SRSF2: variants seen among roughly 807,000 people sequenced by gnomAD.
SRSF2 encodes serine and arginine rich splicing factor 2.
Under a neutral mutation model 15.7 loss-of-function variants are expected in SRSF2, and 4 were observed. The ratio of observed to expected loss-of-function variants is 0.26; its 90% CI spans 0.13 to 0.58. SRSF2 has a LOEUF of 0.58. SRSF2 is among the 20% of genes least tolerant of loss of function. The pLI, the probability that SRSF2 is intolerant of heterozygous loss-of-function variation, is 0.90. For synonymous variants in SRSF2, 192 were observed against 138.9 expected (o/e 1.38, Z -2.69); for missense variants, 147 against 332.4 (o/e 0.44, Z 4.34).
At chr17:76,736,519 C>A (rs776469568) in intron 1 of SRSF2, 55 bp from the exon 2 acceptor site, 3 of 1,556,632 alleles carry the variant, frequency 1.9e-6, no homozygotes, top group Non-Finnish European at 2.6e-6. Context: ...CGGGGCCGGC[C>A]CCGCCCGCGC....
rs559326736 is a variant in SRSF2, at chr17:76,734,816, TAA to T, written c.*348_*349del. 106 of 239,548 alleles carry T rather than the reference TAA, an allele frequency of 4.4e-4. 1 individual carries two copies. The highest frequency in any genetic ancestry group is 2.1e-3 in the African/African-American group (93 of 44,968). The allele number at this position is 239,548 out of a possible 1,614,324, so 14.8% of individuals were successfully genotyped here. A position where few individuals can be genotyped will look rare whatever the true frequency, so the allele number is the denominator to read the frequency against. ...GTGTAATGGCTGCACACGTTTTCCT[TAA>T]AAGTCAGGAGGCCACAAATTAGGTT... On this transcript the variant is annotated 3_prime_UTR_variant, in exon 3 of 3. Coordinates refer to ENST00000359995, the MANE Select transcript of SRSF2 (RefSeq NM_001195427.2).
intron 1 of SRSF2, 80 bp from the exon 2 acceptor site, chr17:76,736,544 C>G (rs757305177): frequency 2.8e-5 from 41 of 1,464,618 alleles, no homozygotes; most frequent in Non-Finnish European, 3.5e-5. Flanking sequence ...CCGCCCAGGC[C>G]GCCATTATCT....
In SRSF2 at chr17:76,736,275, C is replaced by T. The variant is rs2143925364; in HGVS notation, c.552G>A (p.Arg184=). The T allele has an allele frequency of 6.2e-7, 1 of 1,614,168 alleles. No individual in the cohort carries two copies. Residue 184 remains arginine, a synonymous_variant, in exon 2 of 3, where the codon AGG becomes AGA. Coordinates refer to ENST00000359995, the MANE Select transcript of SRSF2 (RefSeq NM_001195427.2). ...GAGGACTCCTGGACCGAGACCGGGA[C>T]CTGGACCGCGAACGAGATCTGGAGA... The part of the protein sequence containing the change: ...SSVSRSRSRS[R]SRSRSRSPPP...
rs757717237 is a variant in SRSF2 at position 76,736,475 on chromosome 17, G to C, written c.363-11C>G. On this transcript the variant is annotated splice_polypyrimidine_tract_variant and intron_variant, in intron 1 of 2. Transcript: ENST00000359995. ...CGACGCCGCCTAGGGCTGCGGGCGG[G>C]ACGAGCAAGCACAGCGGGGTTAATT... The C allele has an allele frequency of 4.4e-6, 7 of 1,608,808 alleles. No homozygotes were observed. The highest frequency in any genetic ancestry group is 2.2e-5 in the East Asian group (1 of 44,870).
rs549741156 is a variant in SRSF2, at chr17:76,737,308, G to A, written c.-148C>T. On this transcript the variant is annotated 5_prime_UTR_variant, in exon 1 of 3. Transcript: ENST00000359995. ...CAGAACAGCACGGACGGGCTCCGCA[G>A]GCTAGCGCACCTGAGTAACAACTGG... The A allele has an allele frequency of 5.0e-4, 584 of 1,158,358 alleles. No individual in the cohort carries two copies. Among genetic ancestry groups the A allele is most frequent in the South Asian group, 9.1e-4 (53 of 58,450 alleles). The allele number at this position is 1,158,358 out of a possible 1,614,324, so 71.8% of individuals were successfully genotyped here.
At position 76,736,395 on chromosome 17, in the gene SRSF2, G is replaced by A. The variant is rs1295502824; in HGVS notation, c.432C>T (p.Tyr144=). The A allele has an allele frequency of 1.2e-6, 2 of 1,613,968 alleles. No homozygotes were observed. Among genetic ancestry groups the A allele is most frequent in the African/African-American group, 2.7e-5 (2 of 74,948 alleles). ...TGCGGGACCGAGACTTCGAGCGGCT[G>A]TAGCGAGATCGGCTGCGAGACCTGG... ...SRSRSRSRSR[Y]SRSKSRSRTR... The change falls in exon 2 of 3, where the codon TAC becomes TAT. Residue 144 remains tyrosine (Y), a synonymous_variant. Transcript: ENST00000359995.
chr17:76,736,266 A>G lies in SRSF2; in HGVS notation c.561T>C (p.Ser187=), dbSNP rs753547882. ...ACACTGGGGGAGGACTCCTGGACCG[A>G]GACCGGGACCTGGACCGCGAACGAG... The part of the protein sequence containing the change: ...SRSRSRSRSR[S]RSRSPPPVSK... Residue 187 remains serine, a synonymous_variant, in exon 2 of 3, where the codon TCT becomes TCC. Transcript: ENST00000359995. 6.2e-7 allele frequency: 1 copy of G among 1,614,188 alleles called. No homozygotes were observed. The highest frequency in any genetic ancestry group is 8.5e-7 in the Non-Finnish European group (1 of 1,180,022).
rs1001296894 is a variant in SRSF2, at chr17:76,735,125, C to G, written c.*41G>C. 9.1e-6 allele frequency: 2 copies of G among 218,976 alleles called. No homozygotes were observed. The highest frequency in any genetic ancestry group is 1.8e-5 in the Non-Finnish European group (2 of 108,970). 13.6% of individuals were successfully genotyped at this position (218,976 alleles called of 1,614,324 possible). A position where few individuals can be genotyped will look rare whatever the true frequency, so the allele number is the denominator to read the frequency against. ...CGATGGACTATGTGGTCCTTTTTCCCCAAGTCCTCCGTTTACACTGCTTGC... is the reference window on the plus strand; with the variant it reads ...CGATGGACTATGTGGTCCTTTTTCCGCAAGTCCTCCGTTTACACTGCTTGC... On this transcript the variant is annotated 3_prime_UTR_variant, in exon 3 of 3. Transcript: ENST00000359995.
intron 2 of SRSF2, chr17:76,735,359 T>C (rs978454234): frequency 4.8e-6 from 1 of 206,684 alleles, no homozygotes; most frequent in Non-Finnish European, 9.8e-6. Context: ...TACGTATTCC[T>C]GGCCAAATAA....
Position 76,734,703 on chromosome 17 carries a change from A to G in SRSF2, c.*463T>C, listed in dbSNP as rs963353803. ...CCATTTAGATCTGAAGGTAAATAACATATACAAATTTACACCAACTTTTGT... is the reference window on the plus strand; with the variant it reads ...CCATTTAGATCTGAAGGTAAATAACGTATACAAATTTACACCAACTTTTGT... On this transcript the variant is annotated 3_prime_UTR_variant, in exon 3 of 3. Coordinates refer to ENST00000359995, the MANE Select transcript of SRSF2 (RefSeq NM_001195427.2). 1.3e-5 allele frequency: 3 copies of G among 234,550 alleles called. No individual in the cohort carries two copies. Among genetic ancestry groups the G allele is most frequent in the African/African-American group, 6.7e-5 (3 of 44,842 alleles). 14.5% of individuals were successfully genotyped at this position (234,550 alleles called of 1,614,324 possible). A position where few individuals can be genotyped will look rare whatever the true frequency, so the allele number is the denominator to read the frequency against.
rs140374091 is a variant in SRSF2 at position 76,737,228 on chromosome 17, C to G, written c.-68G>C. 6.8e-7 allele frequency: 1 copy of G among 1,465,202 alleles called. No individual in the cohort carries two copies. The highest frequency in any genetic ancestry group is 1.4e-5 in the African/African-American group (1 of 70,440). 90.8% of individuals were successfully genotyped at this position (1,465,202 alleles called of 1,614,324 possible). On this transcript the variant is annotated 5_prime_UTR_variant, in exon 1 of 3. Transcript: ENST00000359995. ...TTCCTCAGCTCTGGGCGGTGCGACGCCGCGCCTCTCAGGCAGTTGCCTTCC... is the reference window on the plus strand; with the variant it reads ...TTCCTCAGCTCTGGGCGGTGCGACGGCGCGCCTCTCAGGCAGTTGCCTTCC...
rs762648914 is a variant in SRSF2 at position 76,736,236 on chromosome 17, C to T, written c.591G>A (p.Lys197=). The T allele has an allele frequency of 6.2e-6, 10 of 1,614,074 alleles. No individual in the cohort carries two copies. Among genetic ancestry groups the T allele is most frequent in the South Asian group, 1.1e-5 (1 of 91,078 alleles). The change falls in exon 2 of 3, where the codon AAG becomes AAA. Residue 197 remains lysine (K), a synonymous_variant. Transcript: ENST00000359995. The stretch of plus-strand genomic sequence containing the variant: ...ATCGCGACCTGGATTTGGATTCCCT[C>T]TTGGACACTGGGGGAGGACTCCTGG... ...SRSRSPPPVS[K]RESKSRSRSK...
upstream of SRSF2, chr17:76,737,374 C>G: frequency 1.9e-6 from 1 of 527,792 alleles, no homozygotes; most frequent in Non-Finnish European, 3.2e-6. Context: ...TCGCTCCTCA[C>G]AAAATGGCGC....
Position 76,735,154 on chromosome 17 carries a change from T to C in SRSF2, c.*12A>G, listed in dbSNP as rs1254466768. 7 of 219,190 alleles carry C rather than the reference T, an allele frequency of 3.2e-5. No individual in the cohort carries two copies. The highest frequency in any genetic ancestry group is 6.4e-5 in the Non-Finnish European group (7 of 109,144). The allele number at this position is 219,190 out of a possible 1,614,324, so 13.6% of individuals were successfully genotyped here. On this transcript the variant is annotated 3_prime_UTR_variant, in exon 3 of 3. Coordinates refer to ENST00000359995, the MANE Select transcript of SRSF2 (RefSeq NM_001195427.2). The stretch of plus-strand genomic sequence containing the variant: ...GTCCTCCGTTTACACTGCTTGCCGA[T>C]ACATCTAGGTTTGAAAAGAAAGAAG...
rs548868861 is a variant in SRSF2, at chr17:76,736,663, G to A, written c.362+136C>T. ...ACGGCGGAAGCTCGCGGGGTGGCCG[G>A]AGGGTCGCGAGACGCGGCGTGCACC... is the stretch of plus-strand genomic sequence containing the variant. On this transcript the variant is annotated intron_variant, in intron 1 of 2. Coordinates refer to ENST00000359995, the MANE Select transcript of SRSF2 (RefSeq NM_001195427.2). 22 of 1,207,412 alleles carry A rather than the reference G, an allele frequency of 1.8e-5. No individual in the cohort carries two copies. The South Asian group carries it at 4.1e-4, about 23-fold the overall frequency. The allele number at this position is 1,207,412 out of a possible 1,614,324, so 74.8% of individuals were successfully genotyped here. A position where few individuals can be genotyped will look rare whatever the true frequency, so the allele number is the denominator to read the frequency against.
rs1381426947 is a variant in SRSF2, at chr17:76,735,053, A to T, written c.*113T>A. 4.5e-6 allele frequency: 1 copy of T among 221,456 alleles called. No homozygotes were observed. The highest frequency in any genetic ancestry group is 2.2e-5 in the African/African-American group (1 of 44,650). The allele number at this position is 221,456 out of a possible 1,614,324, so 13.7% of individuals were successfully genotyped here. A position where few individuals can be genotyped will look rare whatever the true frequency, so the allele number is the denominator to read the frequency against. ...AAGTAAAAAGTTAGACAAATGTTAC[A>T]AAATAACCTTTTCAATAGCCAGTTG... On this transcript the variant is annotated 3_prime_UTR_variant, in exon 3 of 3. Coordinates refer to ENST00000359995, the MANE Select transcript of SRSF2 (RefSeq NM_001195427.2).
upstream of SRSF2, chr17:76,737,337 G>A (rs1023787503): frequency 5.5e-5 from 45 of 824,462 alleles, no homozygotes; most frequent in Middle Eastern, 3.8e-4. Context: ...CAACTGGGCG[G>A]GCAGCCGGCC....
chr17:76,736,151 T>C lies in SRSF2; in HGVS notation c.*7+3A>G, dbSNP rs1361055787. 1 of 1,586,272 alleles carries C rather than the reference T, an allele frequency of 6.3e-7. No individual in the cohort carries two copies. The highest frequency in any genetic ancestry group is 1.8e-5 in the Admixed American group (1 of 55,784). On this transcript the variant is annotated splice_donor_region_variant and intron_variant, in intron 2 of 2. Transcript: ENST00000359995. ...TTATGTGTCTCGGATTCCCAGACATTACCATTTTCTTAAGAGGACACCGCT... is the reference window on the plus strand; with the variant it reads ...TTATGTGTCTCGGATTCCCAGACATCACCATTTTCTTAAGAGGACACCGCT...
chr17:76,736,525 C>A (rs762727557), intron 1 of SRSF2, 61 bp from the exon 2 acceptor site: 10 of 1,529,944 alleles, frequency 6.5e-6, no homozygotes, highest in Non-Finnish European at 8.8e-6. Context: ...CGGCCCCGCC[C>A]GCGCGCTCCC....
Sources: allele counts gnomAD v4.1 joint callset, GRCh38; gene constraint gnomAD v4.1.1; transcripts MANE v1.5; gene names NCBI Gene and HGNC (gene_info 2026-07-23, HGNC 2026-07-21).